ANKFN1: variants seen among roughly 807,000 people sequenced by gnomAD.
ANKFN1 encodes the protein ankyrin repeat and fibronectin type III domain containing 1.
A neutral mutation model predicts 108.7 loss-of-function variants in ANKFN1; 74 were observed. The ratio of observed to expected loss-of-function variants is 0.68; its 90% confidence interval spans 0.56 to 0.83. The LOEUF is 0.83. ANKFN1 is among the 40% of genes least tolerant of loss of function. The pLI, the probability that ANKFN1 is intolerant of heterozygous loss-of-function variation, is 0.00. For missense variants in ANKFN1, 1,505 were observed against 1,382.3 expected, an observed-to-expected ratio of 1.09 and a Z score of -1.41; for synonymous variants, 547 against 516.2, an observed-to-expected ratio of 1.06 and a Z score of -0.81.
In ANKFN1 at chr17:56,247,279, G is replaced by A. The variant is rs77908545; in HGVS notation, c.53+19322G>A. 6.0e-3 allele frequency among the ~76,000 whole-genome samples: 911 copies of A among 152,260 alleles called. 7 individuals carry two copies. The highest frequency in any genetic ancestry group is 0.012 in the Non-Finnish European group (785 of 68,026). ...AAGGCACAAGTCTGAATTTGACACA[G>A]GAAAGGAAATTTAGGGATTTAAATG... On this transcript the variant is annotated intron_variant, in intron 3 of 20. Transcript: ENST00000682825.
At position 56,344,559 on chromosome 17, in the gene ANKFN1, T is replaced by G. The variant is rs568704436; in HGVS notation, c.189-6207T>G. 2.6e-5 allele frequency among the ~76,000 whole-genome samples: 4 copies of G among 152,104 alleles called. No individual in the cohort carries two copies. In the East Asian group the frequency reaches 5.8e-4, roughly 22 times the overall value. On this transcript the variant is annotated intron_variant, in intron 4 of 20. Coordinates refer to ENST00000682825, the MANE Select transcript of ANKFN1 (RefSeq NM_001370326.1). ...GCTCCCTGCCCTGTAGTCTGTTAGA[T>G]TCTCAGGAAAATGACAGAGCTTTTC...
intron 4 of ANKFN1, among the ~76,000 whole-genome samples, chr17:56,067,622 G>A (rs1390016583): frequency 6.6e-6 from 1 of 152,192 alleles, no homozygotes; most frequent in East Asian, 1.9e-4. Flanking sequence ...AGATGAAACT[G>A]TGACATTTCT....
rs1335676402 is a variant in ANKFN1 at position 56,511,108 on chromosome 17, C to T, written c.3280C>T (p.Pro1094Ser). The change falls in exon 21 of 21, where the codon CCC becomes TCC. Residue 1094 changes from proline to serine, a missense_variant. By Grantham distance (74) the Pro-to-Ser change is moderately conservative. Coordinates refer to ENST00000682825, the MANE Select transcript of ANKFN1 (RefSeq NM_001370326.1). ...TTCCGTCCGCCGCCTCTACGTGGAGCCCTACGCAGCGGCCGTGGTGGCCCA... is the reference window on the plus strand; with the variant it reads ...TTCCGTCCGCCGCCTCTACGTGGAGTCCTACGCAGCGGCCGTGGTGGCCCA... ...RPSVRRLYVE[P>S]YAAAVVAQDE... is the part of the protein sequence containing the mutation. 2.0e-6 allele frequency: 3 copies of T among 1,536,016 alleles called. No individual in the cohort carries two copies. The highest frequency in any genetic ancestry group is 2.6e-6 in the Non-Finnish European group (3 of 1,146,852).
chr17:56,173,328 G>A (rs1276481307), intron 1 of ANKFN1, among the ~76,000 whole-genome samples: 1 of 152,132 alleles, frequency 6.6e-6, no homozygotes, highest in Non-Finnish European at 1.5e-5. Context: ...CCCCAGACAT[G>A]GGTATGGCTT....
At position 56,170,845 on chromosome 17, in the gene ANKFN1, T is replaced by C. The variant is rs564239407; in HGVS notation, c.-71+17315T>C. Reference sequence around the variant, plus strand: ...ACACACACACACACATATACACACATATATATATGTATAGTCCCCATATTT... The same window carrying C: ...ACACACACACACACATATACACACACATATATATGTATAGTCCCCATATTT... On this transcript the variant is annotated intron_variant, in intron 1 of 20. Coordinates refer to ENST00000682825, the MANE Select transcript of ANKFN1 (RefSeq NM_001370326.1). 3.3e-3 allele frequency among the ~76,000 whole-genome samples: 348 copies of C among 105,282 alleles called. 2 individuals carry two copies. Among genetic ancestry groups the C allele is most frequent in the African/African-American group, 9.7e-3 (325 of 33,558 alleles). The allele number at this position is 105,282 out of a possible 152,430, so 69.1% of individuals were successfully genotyped here. A position where few individuals can be genotyped will look rare whatever the true frequency, so the allele number is the denominator to read the frequency against.
At chr17:56,058,952 T>A (rs1904926534) in intron 4 of ANKFN1, among the ~76,000 whole-genome samples, 1 of 152,160 alleles carries the variant, frequency 6.6e-6, no homozygotes, top group Admixed American at 6.5e-5. Context: ...ATAAACCAAG[T>A]AATGGGATTG....
intron 4 of ANKFN1, among the ~76,000 whole-genome samples, chr17:56,121,389 A>G (rs1035337110): frequency 1.3e-5 from 2 of 151,856 alleles, no homozygotes; most frequent in African/African-American, 4.8e-5. Context: ...TAGCTTAATC[A>G]TGTCCTGGAT....
chr17:56,504,966 C>T (rs1259789218), intron 20 of ANKFN1, among the ~76,000 whole-genome samples: 2 of 152,022 alleles, frequency 1.3e-5, no homozygotes, highest in Non-Finnish European at 2.9e-5. Context: ...AGCCACCGCA[C>T]CCAGCCCACT....
intron 8 of ANKFN1, among the ~76,000 whole-genome samples, chr17:56,402,979 T>C (rs1290124172): frequency 6.6e-6 from 1 of 152,138 alleles, no homozygotes; most frequent in Non-Finnish European, 1.5e-5. Flanking sequence ...GCAGTATGCC[T>C]GTATTTGCCA....
At chr17:56,287,433 G>T (rs1272109777) in intron 3 of ANKFN1, among the ~76,000 whole-genome samples, 1 of 152,146 alleles carries the variant, frequency 6.6e-6, no homozygotes, top group Non-Finnish European at 1.5e-5. Flanking sequence ...TTTAGTTCCT[G>T]CCATTAGATT....
chr17:56,222,744 G>A (rs913682275), intron 2 of ANKFN1, among the ~76,000 whole-genome samples: 1 of 152,128 alleles, frequency 6.6e-6, no homozygotes, highest in Non-Finnish European at 1.5e-5. Context: ...TACACATAGA[G>A]GACACATCTT....
intron 15 of ANKFN1, 60 bp downstream of exon 15, chr17:56,466,631 G>T (rs2050083153): frequency 1.4e-6 from 2 of 1,435,660 alleles, no homozygotes; most frequent in East Asian, 5.0e-5. Context: ...AATTATTGAA[G>T]GTCTAGTGAA....
intron 1 of ANKFN1, chr17:56,195,462 T>C (rs1376217892): frequency 6.6e-6 from 1 of 152,186 alleles, no homozygotes; most frequent in African/African-American, 2.4e-5. Context: ...CAGAGGCAAA[T>C]TCAGTTCTTA....
intron 1 of ANKFN1, among the ~76,000 whole-genome samples, chr17:56,177,949 A>C (rs2143608554): frequency 6.6e-6 from 1 of 152,328 alleles, no homozygotes; most frequent in South Asian, 2.1e-4. Flanking sequence ...TCACTTGAGG[A>C]ATGTCACAAT....
At chr17:56,420,644 G>A (rs1032177478) in intron 8 of ANKFN1, among the ~76,000 whole-genome samples, 5 of 149,830 alleles carry the variant, frequency 3.3e-5, no homozygotes, top group African/African-American at 9.8e-5. Context: ...AAACTCTGTG[G>A]CAGAAATTAA....
intron 3 of ANKFN1, among the ~76,000 whole-genome samples, chr17:56,234,046 A>G (rs1384353930): frequency 2.0e-5 from 3 of 152,154 alleles, no homozygotes; most frequent in African/African-American, 7.2e-5. Context: ...TTTAATCTGC[A>G]TCATTAACAT....
intron 4 of ANKFN1, among the ~76,000 whole-genome samples, chr17:56,063,795 A>G (rs1487661760): frequency 6.6e-6 from 1 of 151,996 alleles, no homozygotes; most frequent in Non-Finnish European, 1.5e-5. Context: ...CTCTTGCTGG[A>G]GAGAGATCGT....
chr17:56,125,702 G>A (rs999995363), intron 4 of ANKFN1, among the ~76,000 whole-genome samples: 25 of 152,172 alleles, frequency 1.6e-4, no homozygotes, highest in Non-Finnish European at 2.5e-4. Context: ...TGGATCGTTC[G>A]GTAATAAAGT....
At chr17:56,179,334 T>A (rs1417150270) in intron 1 of ANKFN1, among the ~76,000 whole-genome samples, 1 of 152,224 alleles carries the variant, frequency 6.6e-6, no homozygotes, top group African/African-American at 2.4e-5. Context: ...CTGTGTTTTC[T>A]TAGCCAGGAG....
Sources: allele counts gnomAD v4.1 joint callset (sites outside exome capture counted in the v4.1 genomes callset), GRCh38; gene constraint gnomAD v4.1.1; transcripts MANE v1.5; gene names NCBI Gene and HGNC (gene_info 2026-07-23, HGNC 2026-07-21).